DCC: variants seen among roughly 807,000 people sequenced by gnomAD.
DCC encodes the protein netrin receptor DCC.
In DCC, 58 loss-of-function variants were observed where a neutral mutation model predicts 172.5. The ratio of observed to expected loss-of-function variants is 0.34; its 90% CI spans 0.27 to 0.42. The LOEUF (loss-of-function observed/expected upper bound fraction) is 0.42. Among genes scored for constraint, DCC ranks in the 10% least tolerant of loss-of-function variants. The pLI, the probability that DCC is intolerant of heterozygous loss-of-function variation, is 1.00. For missense variants in DCC, 1,740 were observed against 1,791.0 expected (o/e 0.97, Z 0.51); for synonymous variants, 709 against 644.5 (o/e 1.10, Z -1.52).
chr18:52,737,067 C>A (rs9945328), intron 1 of DCC, among the ~76,000 whole-genome samples: 40,306 of 152,054 alleles, frequency 0.27, 5,499 homozygotes, highest in Admixed American at 0.33. Context: ...AGGGGACTTG[C>A]TGTTTATTAT....
At position 53,410,637 on chromosome 18, in the gene DCC, ACT is replaced by A. The variant is rs1331873141; in HGVS notation, c.3124_3125del (p.Leu1042GlufsTer6). On this transcript the variant is annotated frameshift_variant, in exon 20 of 29. Transcript: ENST00000442544. LOFTEE classifies it high-confidence loss of function. Reference sequence around the variant, plus strand: ...ACTCTCTGATCCTATCCTCTTCAGGACTCTGAAAGGTTTGAATAATTTCCTAT... The same window carrying A: ...ACTCTCTGATCCTATCCTCTTCAGGACTGAAAGGTTTGAATAATTTCCTAT... ...GPLSDPILFR[T>X]LKVEHPDKMA... is the part of the protein sequence containing the mutation. 1 of 1,590,386 alleles carries A rather than the reference ACT, an allele frequency of 6.3e-7. No homozygotes were observed. Among genetic ancestry groups the A allele is most frequent in the Non-Finnish European group, 8.6e-7 (1 of 1,158,118 alleles).
intron 5 of DCC, among the ~76,000 whole-genome samples, chr18:53,022,895 G>A (rs2041901480): frequency 6.6e-6 from 1 of 151,966 alleles, no homozygotes; most frequent in African/African-American, 2.4e-5. Flanking sequence ...GTACATGAGA[G>A]CTCATCATTC....
chr18:53,335,236 C>T (rs2057578683), intron 14 of DCC, among the ~76,000 whole-genome samples: 1 of 152,154 alleles, frequency 6.6e-6, no homozygotes, highest in African/African-American at 2.4e-5. Context: ...TTCAGGTCAT[C>T]CACCTTAGAC....
intron 15 of DCC, among the ~76,000 whole-genome samples, chr18:53,385,816 G>T (rs1209576317): frequency 6.6e-6 from 1 of 152,114 alleles, no homozygotes; most frequent in Non-Finnish European, 1.5e-5. Flanking sequence ...AATGCTTTCG[G>T]TTTTCTACCT....
chr18:53,532,831 A>C lies in DCC; in HGVS notation c.*2178A>C, dbSNP rs1048277746. ...TGAAGTTGACCAATTAAAAAAAAAAAAAAAACCTATCATTTTCACAAATTT... is the reference window on the plus strand; with the variant it reads ...TGAAGTTGACCAATTAAAAAAAAAACAAAAACCTATCATTTTCACAAATTT... On this transcript the variant is annotated 3_prime_UTR_variant, in exon 29 of 29. Coordinates refer to ENST00000442544, the MANE Select transcript of DCC (RefSeq NM_005215.4). 2.0e-5 allele frequency: 3 copies of C among 152,146 alleles called. No homozygotes were observed. The highest frequency in any genetic ancestry group is 4.4e-5 in the Non-Finnish European group (3 of 68,016). The allele number at this position is 152,146 out of a possible 1,614,324, so 9.4% of individuals were successfully genotyped here. A position where few individuals can be genotyped will look rare whatever the true frequency, so the allele number is the denominator to read the frequency against.
At chr18:53,448,568 G>C (rs141477823) in intron 22 of DCC, among the ~76,000 whole-genome samples, 1 of 152,138 alleles carries the variant, frequency 6.6e-6, no homozygotes, top group Non-Finnish European at 1.5e-5. Context: ...AATCACGTCA[G>C]TATTATTCCT....
intron 12 of DCC, among the ~76,000 whole-genome samples, chr18:53,240,650 A>G (rs546552833): frequency 2.2e-4 from 34 of 152,312 alleles, no homozygotes; most frequent in Admixed American, 7.2e-4. Flanking sequence ...CTGTAAAATG[A>G]GACTAATACT....
At chr18:52,843,541 A>G (rs1201369924) in intron 2 of DCC, among the ~76,000 whole-genome samples, 3 of 152,208 alleles carry the variant, frequency 2.0e-5, no homozygotes, top group Non-Finnish European at 2.9e-5. Context: ...TTTTACACAA[A>G]TTATTAAAAC....
Position 52,508,156 on chromosome 18 carries a change from A to G in DCC, c.91+167278A>G, listed in dbSNP as rs187693238. On this transcript the variant is annotated intron_variant, in intron 1 of 28. Transcript: ENST00000442544. ...CTAATCTACGGGGACCAGTATTTAT[A>G]AATGACCCTCTTCAATTAGAGAAGA... 7.9e-4 allele frequency among the ~76,000 whole-genome samples: 120 copies of G among 152,278 alleles called. 1 individual carries two copies. Among genetic ancestry groups the G allele is most frequent in the African/African-American group, 2.8e-3 (115 of 41,552 alleles).
In DCC at chr18:52,589,721, G is replaced by C. The variant is rs567917420; in HGVS notation, c.92-162333G>C. Among the ~76,000 whole-genome samples, 5 of 152,266 alleles carry C rather than the reference G, an allele frequency of 3.3e-5. 1 individual carries two copies. The highest frequency in any genetic ancestry group is 2.1e-4 in the South Asian group (1 of 4,824). On this transcript the variant is annotated intron_variant, in intron 1 of 28. Coordinates refer to ENST00000442544, the MANE Select transcript of DCC (RefSeq NM_005215.4). ...TTCTGTTTATAGTGCCAATCAATTA[G>C]AGCCTTCAAGCAATTATTGACTAAT...
chr18:53,458,100 G>A (rs2045505542), intron 23 of DCC, among the ~76,000 whole-genome samples: 2 of 152,140 alleles, frequency 1.3e-5, no homozygotes, highest in Admixed American at 1.3e-4. Flanking sequence ...ATAATAAACT[G>A]TTCACTGCAA....
intron 8 of DCC, among the ~76,000 whole-genome samples, chr18:53,164,149 C>A (rs1339099494): frequency 6.6e-6 from 1 of 152,088 alleles, no homozygotes; most frequent in Non-Finnish European, 1.5e-5. Flanking sequence ...ACATGCAATT[C>A]TTTTATATGT....
chr18:52,732,251 C>T (rs1276526560), intron 1 of DCC, among the ~76,000 whole-genome samples: 1 of 152,112 alleles, frequency 6.6e-6, no homozygotes, highest in African/African-American at 2.4e-5. Flanking sequence ...GAATTTAAGA[C>T]TCAGCCAGGA....
chr18:53,398,290 T>C (rs1909081675), intron 18 of DCC, among the ~76,000 whole-genome samples: 1 of 152,194 alleles, frequency 6.6e-6, no homozygotes, highest in South Asian at 2.1e-4. Context: ...GTTCTAATTT[T>C]TAACTCCAAC....
intron 22 of DCC, among the ~76,000 whole-genome samples, chr18:53,443,971 T>C (rs1028402384): frequency 3.9e-5 from 6 of 152,112 alleles, no homozygotes; most frequent in African/African-American, 1.4e-4. Flanking sequence ...AGATGAGGAG[T>C]TGTTTCCTAT....
intron 26 of DCC, among the ~76,000 whole-genome samples, chr18:53,493,079 T>C (rs950266615): frequency 3.3e-5 from 5 of 152,188 alleles, no homozygotes; most frequent in Non-Finnish European, 5.9e-5. Context: ...TTGTTCTCTT[T>C]GTAGCAATTG....
rs530752656 is a variant in DCC, at chr18:53,397,352, A to C, written c.2733A>C (p.Lys911Asn). 2 of 1,613,952 alleles carry C rather than the reference A, an allele frequency of 1.2e-6. No individual in the cohort carries two copies. Among genetic ancestry groups the C allele is most frequent in the African/African-American group, 2.7e-5 (2 of 75,010 alleles). The change falls in exon 18 of 29, where the codon AAA becomes AAC. Residue 911 changes from lysine (K) to asparagine (N), a missense_variant. Around this residue, in one of 2 missense-constraint regions of DCC, gnomAD observed 1,732 missense variants for 1,767.4 expected, o/e 0.98. Coordinates refer to ENST00000442544, the MANE Select transcript of DCC (RefSeq NM_005215.4). ...TSLSYTATGLKPNTMYEFSVM... is the reference protein window; with the variant it reads ...TSLSYTATGLNPNTMYEFSVM... Reference sequence around the variant, plus strand: ...TAAGTTACACAGCAACAGGCCTCAAACCAAACACAATGTATGAATTCTCGG... The same window carrying C: ...TAAGTTACACAGCAACAGGCCTCAACCCAAACACAATGTATGAATTCTCGG...
intron 5 of DCC, among the ~76,000 whole-genome samples, chr18:53,058,459 A>T (rs953387578): frequency 3.3e-5 from 5 of 152,240 alleles, no homozygotes; most frequent in South Asian, 4.1e-4. Context: ...ATTACCCTTT[A>T]ATTAGAGATG....
At chr18:52,375,012 G>A (rs1409286485) in intron 1 of DCC, among the ~76,000 whole-genome samples, 2 of 152,130 alleles carry the variant, frequency 1.3e-5, no homozygotes, top group East Asian at 1.9e-4. Context: ...GCCATCCCTC[G>A]ATTTAACAAT....
Sources: allele counts gnomAD v4.1 joint callset (sites outside exome capture counted in the v4.1 genomes callset), GRCh38; gene constraint gnomAD v4.1.1; regional missense constraint gnomAD v4.1.1; transcripts MANE v1.5; gene names NCBI Gene and HGNC (gene_info 2026-07-23, HGNC 2026-07-21).